CFAP58: variants seen among roughly 807,000 people sequenced by gnomAD.
CFAP58 encodes the protein cilia and flagella associated protein 58, also known as cilia- and flagella-associated protein 58.
CFAP58 carries 88 observed loss-of-function variants against 119.5 expected under a neutral mutation model. The ratio of observed to expected loss-of-function variants is 0.74; its 90% CI spans 0.62 to 0.88. CFAP58 has a LOEUF of 0.88. CFAP58 is among the 40% of genes least tolerant of loss of function. The pLI is 0.00. For synonymous variants in CFAP58, 365 were observed against 366.3 expected (o/e 1.00, Z 0.04); for missense variants, 990 against 1,021.2 (o/e 0.97, Z 0.42).
chr10:104,422,574 AT>A (rs2012678569), intron 15 of CFAP58, among the ~76,000 whole-genome samples: 1 of 152,040 alleles, frequency 6.6e-6, no homozygotes, highest in Non-Finnish European at 1.5e-5. Flanking sequence ...CAGCTGGTGG[AT>A]TGGCCCAAAG....
intron 9 of CFAP58, chr10:104,382,095 G>A: frequency 2.8e-6 from 2 of 717,412 alleles, no homozygotes; most frequent in Middle Eastern, 4.6e-4. Flanking sequence ...CAGGTCAGCT[G>A]CATCCCTCCT....
At chr10:104,432,442 A>G (rs1157516188) in intron 15 of CFAP58, among the ~76,000 whole-genome samples, 1 of 152,220 alleles carries the variant, frequency 6.6e-6, no homozygotes, top group Non-Finnish European at 1.5e-5. Context: ...CTTTTGGCCT[A>G]TCAGACCAGC....
At chr10:104,421,120 C>T (rs558902546) in intron 15 of CFAP58, among the ~76,000 whole-genome samples, 11 of 152,160 alleles carry the variant, frequency 7.2e-5, no homozygotes, top group Admixed American at 4.6e-4. Flanking sequence ...CAGAAGTCCA[C>T]GAAATAGCAG....
intron 9 of CFAP58, among the ~76,000 whole-genome samples, chr10:104,382,613 C>T (rs1388979940): frequency 6.6e-6 from 1 of 152,086 alleles, no homozygotes; most frequent in Non-Finnish European, 1.5e-5. Flanking sequence ...AATTGTAATC[C>T]CCATGTGTCG....
intron 17 of CFAP58, among the ~76,000 whole-genome samples, chr10:104,453,957 T>G (rs556482420): frequency 3.3e-5 from 5 of 152,300 alleles, no homozygotes; most frequent in Non-Finnish European, 1.5e-5. Flanking sequence ...AAATTTGTGT[T>G]TTATAAATGT....
intron 15 of CFAP58, among the ~76,000 whole-genome samples, chr10:104,425,338 G>A (rs149681010): frequency 3.3e-5 from 5 of 152,212 alleles, no homozygotes; most frequent in African/African-American, 1.2e-4. Context: ...TGGGGATGTG[G>A]TTGAGTAGCA....
intron 9 of CFAP58, among the ~76,000 whole-genome samples, chr10:104,382,638 T>C (rs528291370): frequency 5.9e-5 from 9 of 152,210 alleles, no homozygotes; most frequent in Admixed American, 5.2e-4. Flanking sequence ...AGGGAGGTGA[T>C]TGGATCATGG....
At chr10:104,366,578 C>G (rs1238664826) in intron 5 of CFAP58, among the ~76,000 whole-genome samples, 4 of 152,138 alleles carry the variant, frequency 2.6e-5, no homozygotes, top group African/African-American at 9.7e-5. Flanking sequence ...ACTTGTGATG[C>G]CCAATATGGT....
At chr10:104,396,569 A>G (rs1184180553) in intron 11 of CFAP58, among the ~76,000 whole-genome samples, 1 of 152,254 alleles carries the variant, frequency 6.6e-6, no homozygotes, top group Non-Finnish European at 1.5e-5. Flanking sequence ...TGTTGAGATC[A>G]TGTATGAATG....
chr10:104,382,998 C>T (rs2011848857), intron 9 of CFAP58, among the ~76,000 whole-genome samples: 1 of 152,192 alleles, frequency 6.6e-6, no homozygotes, highest in African/African-American at 2.4e-5. Flanking sequence ...CCAGGTCCCA[C>T]CTGGCCATCC....
chr10:104,342,659 G>A, the CFAP58 span, among the ~76,000 whole-genome samples: 8 of 122,954 alleles, frequency 6.5e-5, no homozygotes, highest in East Asian at 2.2e-4. Flanking sequence ...GCGAAGCCCC[G>A]TCTATACAAA....
At chr10:104,395,220 C>T (rs2012126993) in intron 11 of CFAP58, among the ~76,000 whole-genome samples, 1 of 152,164 alleles carries the variant, frequency 6.6e-6, no homozygotes, top group South Asian at 2.1e-4. Flanking sequence ...CAGGTGTCTA[C>T]ATAAAGCTCA....
At chr10:104,404,061 A>C (rs917345377) in intron 14 of CFAP58, among the ~76,000 whole-genome samples, 2 of 152,204 alleles carry the variant, frequency 1.3e-5, no homozygotes, top group South Asian at 4.1e-4. Context: ...TTTCTACCTA[A>C]AGAAAGCCCA....
intron 15 of CFAP58, among the ~76,000 whole-genome samples, chr10:104,439,365 C>T (rs924404350): frequency 4.6e-5 from 7 of 151,970 alleles, no homozygotes; most frequent in African/African-American, 1.5e-4. Context: ...TCAAATTATA[C>T]TATAATATAA....
intron 11 of CFAP58, among the ~76,000 whole-genome samples, chr10:104,394,143 A>G (rs1202585704): frequency 6.6e-6 from 1 of 152,250 alleles, no homozygotes; most frequent in Admixed American, 6.5e-5. Flanking sequence ...ACCCTTTCCA[A>G]GAATACAAAG....
At chr10:104,424,754 G>T (rs888921779) in intron 15 of CFAP58, among the ~76,000 whole-genome samples, 4 of 152,144 alleles carry the variant, frequency 2.6e-5, no homozygotes, top group African/African-American at 9.7e-5. Flanking sequence ...CCACTGTCTG[G>T]GATGGTATAT....
At chr10:104,439,223 T>C (rs2012993811) in intron 15 of CFAP58, among the ~76,000 whole-genome samples, 1 of 152,166 alleles carries the variant, frequency 6.6e-6, no homozygotes, top group Non-Finnish European at 1.5e-5. Flanking sequence ...ATTTCATAAG[T>C]TGGGTGATGG....
At chr10:104,349,390 A>G (rs978285294), upstream of CFAP58, among the ~76,000 whole-genome samples, 1 of 152,232 alleles carries the variant, frequency 6.6e-6, no homozygotes, top group Non-Finnish European at 1.5e-5. Flanking sequence ...TGTTGTGCAG[A>G]TAGTCTCCTT....
chr10:104,398,559 C>T (rs955535902), intron 11 of CFAP58, among the ~76,000 whole-genome samples: 3 of 152,192 alleles, frequency 2.0e-5, no homozygotes, highest in African/African-American at 7.2e-5. Flanking sequence ...CAGTCCATAG[C>T]ACCCTTTCTC....
Sources: allele counts gnomAD v4.1 joint callset (sites outside exome capture counted in the v4.1 genomes callset), GRCh38; gene constraint gnomAD v4.1.1; transcripts MANE v1.5; gene names NCBI Gene and HGNC (gene_info 2026-07-23, HGNC 2026-07-21).